SH3RF2: variants seen among roughly 807,000 people sequenced by gnomAD.
SH3RF2 encodes the protein E3 ubiquitin-protein ligase SH3RF2.
Under a neutral mutation model 59.0 loss-of-function variants are expected in SH3RF2, and 43 were observed. The ratio of observed to expected loss-of-function variants is 0.73; its 90% CI spans 0.57 to 0.94. The LOEUF is 0.94. Among genes scored for constraint, SH3RF2 ranks in the 40% least tolerant of loss-of-function variants. The probability of loss-of-function intolerance (pLI) is 0.00; values close to 1 mark genes in which losing one functional copy is unlikely to be tolerated. For synonymous variants in SH3RF2, 391 were observed against 391.5 expected (o/e 1.00, Z 0.01); for missense variants, 930 against 940.1 (o/e 0.99, Z 0.14).
chr5:146,047,980 C>A, intron 6 of SH3RF2, 117 bp downstream of exon 6: 1 of 996,166 alleles, frequency 1.0e-6, no homozygotes, highest in South Asian at 1.5e-5. Flanking sequence ...GACAATAGGT[C>A]GCCTTCCTTT....
chr5:145,998,278 A>G (rs2149982034), intron 2 of SH3RF2, among the ~76,000 whole-genome samples: 1 of 101,096 alleles, frequency 9.9e-6, no homozygotes, highest in East Asian at 3.6e-4. Context: ...AGGGGCCCAT[A>G]GTTAAAAAAA....
chr5:145,969,538 A>G (rs1758991814), intron 2 of SH3RF2, among the ~76,000 whole-genome samples: 1 of 152,140 alleles, frequency 6.6e-6, no homozygotes, highest in African/African-American at 2.4e-5. Flanking sequence ...TGGTTTATGT[A>G]ACAGCTACAG....
At chr5:146,055,722 C>A in intron 7 of SH3RF2, 1 of 526,172 alleles carries the variant, frequency 1.9e-6, no homozygotes, top group Non-Finnish European at 3.4e-6. Context: ...AAATTCAAGT[C>A]TTCTAGCTCC....
At chr5:146,060,366 C>T in intron 9 of SH3RF2, 142 bp downstream of exon 9, 1 of 701,316 alleles carries the variant, frequency 1.4e-6, no homozygotes, top group South Asian at 2.3e-5. Context: ...ACTCCTCCTC[C>T]CCAACTCCCC....
At chr5:145,962,846 C>G (rs1243734510) in intron 2 of SH3RF2, among the ~76,000 whole-genome samples, 1 of 147,774 alleles carries the variant, frequency 6.8e-6, no homozygotes, top group East Asian at 2.0e-4. Flanking sequence ...GTTTCTCCTT[C>G]TGAATTCAGA....
rs59729768 is a variant in SH3RF2, at chr5:145,938,456, C to G, written c.378+150C>G. ...GTTTCTGTGGGCAGTGATCATTTTA[C>G]TCAAATACAATGAAAACCTGAGCCT... is the stretch of plus-strand genomic sequence containing the variant. On this transcript the variant is annotated intron_variant, in intron 2 of 9. Coordinates refer to ENST00000359120, the MANE Select transcript of SH3RF2 (RefSeq NM_152550.4). 7,190 of 966,884 alleles carry G rather than the reference C, an allele frequency of 7.4e-3. 357 individuals are homozygous for G. The African/African-American group carries it at 0.11, about 14-fold the overall frequency. The allele number at this position is 966,884 out of a possible 1,614,324, so 59.9% of individuals were successfully genotyped here.
At chr5:146,067,450 T>C (rs574987273), downstream of SH3RF2, among the ~76,000 whole-genome samples, 33 of 152,326 alleles carry the variant, frequency 2.2e-4, no homozygotes, top group African/African-American at 7.0e-4. Flanking sequence ...CAAGTCCTCA[T>C]AACCCCCTAG....
intron 7 of SH3RF2, among the ~76,000 whole-genome samples, chr5:146,054,926 G>A (rs1762618602): frequency 6.6e-6 from 1 of 152,206 alleles, no homozygotes; most frequent in Non-Finnish European, 1.5e-5. Context: ...GGGTGACAAG[G>A]TGATTAATGG....
chr5:146,024,861 T>C (rs1217450539), intron 5 of SH3RF2, among the ~76,000 whole-genome samples: 1 of 152,226 alleles, frequency 6.6e-6, no homozygotes, highest in Non-Finnish European at 1.5e-5. Context: ...AAGTACTTTT[T>C]ATAGCAACAC....
At chr5:146,065,950 C>A (rs990297396), downstream of SH3RF2, among the ~76,000 whole-genome samples, 1 of 152,214 alleles carries the variant, frequency 6.6e-6, no homozygotes, top group South Asian at 2.1e-4. Context: ...GCCACCACAC[C>A]CAGCCCCAAC....
chr5:146,019,546 T>A (rs1253147682), intron 5 of SH3RF2, among the ~76,000 whole-genome samples: 1 of 152,240 alleles, frequency 6.6e-6, no homozygotes, highest in African/African-American at 2.4e-5. Flanking sequence ...GGTAATGTGA[T>A]GCCTCCAGAT....
chr5:146,009,851 C>T (rs1760802262), intron 4 of SH3RF2, among the ~76,000 whole-genome samples: 1 of 152,152 alleles, frequency 6.6e-6, no homozygotes, highest in South Asian at 2.1e-4. Flanking sequence ...ACAAAAGCGA[C>T]ATTCAATAAA....
At chr5:146,008,647 C>G (rs1760747982) in intron 4 of SH3RF2, among the ~76,000 whole-genome samples, 1 of 152,144 alleles carries the variant, frequency 6.6e-6, no homozygotes, top group Admixed American at 6.6e-5. Context: ...TATTTACATA[C>G]AGTAAAATTT....
At chr5:145,960,582 C>T (rs1299937644) in intron 2 of SH3RF2, among the ~76,000 whole-genome samples, 3 of 152,160 alleles carry the variant, frequency 2.0e-5, no homozygotes, top group Admixed American at 2.0e-4. Context: ...AAGTGCTGTG[C>T]CCCCTGGTTT....
At chr5:146,072,006 C>G (rs1184057263) in intron 9 of SH3RF2, among the ~76,000 whole-genome samples, 4 of 152,106 alleles carry the variant, frequency 2.6e-5, no homozygotes, top group Non-Finnish European at 4.4e-5. Flanking sequence ...GAGGAGAGAA[C>G]AGTGAGAGTG....
intron 9 of SH3RF2, among the ~76,000 whole-genome samples, chr5:146,073,448 C>T (rs530265321): frequency 1.3e-5 from 2 of 152,280 alleles, no homozygotes; most frequent in East Asian, 1.9e-4. Context: ...CTGGTGATTT[C>T]GATAACAACC....
chr5:146,025,016 A>G (rs1761477214), intron 5 of SH3RF2, among the ~76,000 whole-genome samples: 1 of 152,186 alleles, frequency 6.6e-6, no homozygotes. Flanking sequence ...GGGTTGCAAA[A>G]TGATGGTGTT....
Position 146,013,920 on chromosome 5 carries a change from C to T in SH3RF2, c.918C>T (p.Asn306=), listed in dbSNP as rs750744495. 8.1e-6 allele frequency: 13 copies of T among 1,614,032 alleles called. No individual in the cohort carries two copies. Among genetic ancestry groups the T allele is most frequent in the African/African-American group, 2.7e-5 (2 of 74,896 alleles). The change falls in exon 5 of 10, where the codon AAC becomes AAT. Residue 306 remains asparagine (N), a synonymous_variant. Coordinates refer to ENST00000359120, the MANE Select transcript of SH3RF2 (RefSeq NM_152550.4). ...AGTTTTCCATCACAACAGCCTTGAA[C>T]ACTCTCAACCGGATGGTCCATTCTC... ...PGQFSITTAL[N]TLNRMVHSPS...
At chr5:145,971,184 G>A (rs1487241578) in intron 2 of SH3RF2, among the ~76,000 whole-genome samples, 2 of 152,194 alleles carry the variant, frequency 1.3e-5, no homozygotes, top group Non-Finnish European at 2.9e-5. Context: ...ACTCTGCAAG[G>A]ACCGATGTCT....
Sources: allele counts gnomAD v4.1 joint callset (sites outside exome capture counted in the v4.1 genomes callset), GRCh38; gene constraint gnomAD v4.1.1; transcripts MANE v1.5; gene names NCBI Gene and HGNC (gene_info 2026-07-23, HGNC 2026-07-21).